Variants in KDM4C observed in about 807,000 individuals in gnomAD.
KDM4C encodes the protein lysine demethylase 4C, also known as lysine-specific demethylase 4C.
Under a neutral mutation model 129.3 loss-of-function variants are expected in KDM4C, and 81 were observed. The ratio of observed to expected loss-of-function variants is 0.63; its 90% CI spans 0.52 to 0.75. The LOEUF (loss-of-function observed/expected upper bound fraction) is 0.75, where lower values mean the gene tolerates loss of function less well. KDM4C is among the 30% of genes least tolerant of loss of function. The pLI is 0.00. For missense variants in KDM4C, 1,457 were observed against 1,304.0 expected (o/e 1.12, Z -1.81); for synonymous variants, 573 against 456.1 (o/e 1.26, Z -3.26).
At chr9:6,923,330 ATG>A (rs759098162) in intron 8 of KDM4C, among the ~76,000 whole-genome samples, 6 of 151,942 alleles carry the variant, frequency 3.9e-5, no homozygotes, top group Admixed American at 1.3e-4. Context: ...TTGCACAAGT[ATG>A]GTTTGTAGTT....
intron 6 of KDM4C, among the ~76,000 whole-genome samples, chr9:6,882,389 A>G (rs1177090926): frequency 6.6e-6 from 1 of 152,224 alleles, no homozygotes; most frequent in Non-Finnish European, 1.5e-5. Flanking sequence ...AAAAAAGATA[A>G]TATTGCTGTT....
At chr9:6,852,663 A>T (rs1276089614) in intron 5 of KDM4C, among the ~76,000 whole-genome samples, 2 of 152,052 alleles carry the variant, frequency 1.3e-5, no homozygotes, top group African/African-American at 4.8e-5. Flanking sequence ...TGTGCTTGAC[A>T]TATCTGTCAC....
At chr9:7,033,761 A>G (rs1827177424) in intron 15 of KDM4C, among the ~76,000 whole-genome samples, 1 of 152,236 alleles carries the variant, frequency 6.6e-6, no homozygotes, top group Non-Finnish European at 1.5e-5. Flanking sequence ...CAAATGCCTC[A>G]TTAATCTTTA....
intron 8 of KDM4C, among the ~76,000 whole-genome samples, chr9:6,962,692 C>G (rs1025147339): frequency 1.3e-5 from 2 of 152,080 alleles, no homozygotes; most frequent in African/African-American, 4.8e-5. Flanking sequence ...ACTGTCACAA[C>G]CCTGACTCAG....
intron 20 of KDM4C, among the ~76,000 whole-genome samples, chr9:7,166,450 A>ATG (rs1298198499): frequency 1.2e-4 from 1 of 8,254 alleles, no homozygotes; most frequent in African/African-American, 1.7e-3. Flanking sequence ...TTGTGTGTGT[A>ATG]TGTGTGTATG....
rs968984496 is a variant in KDM4C, at chr9:6,961,964, C to A, written c.922-18961C>A. Among the ~76,000 whole-genome samples, 5 of 152,118 alleles carry A rather than the reference C, an allele frequency of 3.3e-5. No individual in the cohort carries two copies. The South Asian group carries it at 1.0e-3, about 32-fold the overall frequency. ...ACTGTAGGGAATGCCTGCTGGCCTT[C>A]ACAAGTTCATTTATAAATCAGCTAC... is the stretch of plus-strand genomic sequence containing the variant. On this transcript the variant is annotated intron_variant, in intron 8 of 21. Transcript: ENST00000381309.
chr9:6,733,706 G>T (rs1489078570), intron 1 of KDM4C, among the ~76,000 whole-genome samples: 2 of 152,200 alleles, frequency 1.3e-5, no homozygotes, highest in African/African-American at 2.4e-5. Flanking sequence ...AAGCAAGTTT[G>T]TTAAGAAAGT....
Position 7,107,063 on chromosome 9 carries a change from A to G in KDM4C, c.2610+3193A>G, listed in dbSNP as rs999956986. Reference sequence around the variant, plus strand: ...GTGTTTGCCAGCGTTTTTGTTGAACACCTTTGTTGAATGTCACTGCTGTGT... The same window carrying G: ...GTGTTTGCCAGCGTTTTTGTTGAACGCCTTTGTTGAATGTCACTGCTGTGT... On this transcript the variant is annotated intron_variant, in intron 18 of 21. Transcript: ENST00000381309. Among the ~76,000 whole-genome samples, 6 of 152,236 alleles carry G rather than the reference A, an allele frequency of 3.9e-5. No homozygotes were observed. In the East Asian group the frequency reaches 1.2e-3, roughly 29 times the overall value.
At chr9:6,847,946 T>C (rs1838156105) in intron 4 of KDM4C, among the ~76,000 whole-genome samples, 1 of 152,170 alleles carries the variant, frequency 6.6e-6, no homozygotes, top group African/African-American at 2.4e-5. Flanking sequence ...ACAGAACAAC[T>C]CTAAAAGCTT....
upstream of KDM4C, among the ~76,000 whole-genome samples, chr9:6,756,464 C>G (rs1202244852): frequency 6.6e-6 from 1 of 152,198 alleles, no homozygotes. Context: ...CGCCTGTAAT[C>G]CCAGCACTTT....
At chr9:6,859,348 G>C (rs922809330) in intron 5 of KDM4C, among the ~76,000 whole-genome samples, 1 of 151,860 alleles carries the variant, frequency 6.6e-6, no homozygotes, top group Non-Finnish European at 1.5e-5. Context: ...AGTGGCCCAC[G>C]CCTGTAGTCC....
Position 7,096,965 on chromosome 9 carries a change from C to T in KDM4C, c.2425-6720C>T, listed in dbSNP as rs556356504. ...AGTCCAAGGCCTTTCAGGATCCCACCTTTTCAGCCTGCCATCCCTTGGCTG... is the reference window on the plus strand; with the variant it reads ...AGTCCAAGGCCTTTCAGGATCCCACTTTTTCAGCCTGCCATCCCTTGGCTG... On this transcript the variant is annotated intron_variant, in intron 17 of 21. Transcript: ENST00000381309. Among the ~76,000 whole-genome samples, 54 of 152,284 alleles carry T rather than the reference C, an allele frequency of 3.5e-4. No homozygotes were observed. In the South Asian group the frequency reaches 9.3e-3, roughly 26 times the overall value.
intron 18 of KDM4C, among the ~76,000 whole-genome samples, chr9:7,110,122 C>A (rs1838153194): frequency 6.6e-6 from 1 of 152,218 alleles, no homozygotes; most frequent in Admixed American, 6.5e-5. Flanking sequence ...CACTTCTAGA[C>A]ATCTTTGAAA....
intron 15 of KDM4C, among the ~76,000 whole-genome samples, chr9:7,029,771 C>T (rs1218829617): frequency 1.3e-5 from 2 of 152,080 alleles, no homozygotes; most frequent in South Asian, 2.1e-4. Flanking sequence ...ATGAGAACTG[C>T]ATGTGAAGAT....
At chr9:6,853,564 C>T (rs1564163994) in intron 5 of KDM4C, among the ~76,000 whole-genome samples, 1 of 152,146 alleles carries the variant, frequency 6.6e-6, no homozygotes, top group Admixed American at 6.5e-5. Context: ...TCCTGAGTTG[C>T]TATACATAGG....
rs188667079 is a variant in KDM4C, at chr9:6,923,934, T to C, written c.921+30702T>C. On this transcript the variant is annotated intron_variant, in intron 8 of 21. Transcript: ENST00000381309. Reference sequence around the variant, plus strand: ...AGAAGAGACCGATGCTTATGGCTGCTGCAGCCTTTCAGGTGGGGCATGGGA... The same window carrying C: ...AGAAGAGACCGATGCTTATGGCTGCCGCAGCCTTTCAGGTGGGGCATGGGA... Among the ~76,000 whole-genome samples the C allele has an allele frequency of 1.2e-4, 19 of 152,336 alleles. No individual in the cohort carries two copies. The East Asian group carries it at 3.5e-3, about 28-fold the overall frequency.
intron 12 of KDM4C, among the ~76,000 whole-genome samples, chr9:7,002,877 T>C (rs1213505959): frequency 6.6e-6 from 1 of 152,222 alleles, no homozygotes; most frequent in East Asian, 1.9e-4. Flanking sequence ...ACTCTTGTGT[T>C]TTAGATAGAC....
chr9:7,138,762 G>C (rs369598551), intron 19 of KDM4C, among the ~76,000 whole-genome samples: 2 of 152,090 alleles, frequency 1.3e-5, no homozygotes, highest in South Asian at 4.1e-4. Flanking sequence ...TGAGGTTACA[G>C]TGGGCTATGA....
At chr9:6,975,116 T>C (rs1832710815) in intron 8 of KDM4C, among the ~76,000 whole-genome samples, 1 of 152,212 alleles carries the variant, frequency 6.6e-6, no homozygotes, top group Admixed American at 6.5e-5. Context: ...TAAATTGCTT[T>C]ATAATTGCCT....
Sources: allele counts gnomAD v4.1 joint callset (sites outside exome capture counted in the v4.1 genomes callset), GRCh38; gene constraint gnomAD v4.1.1; transcripts MANE v1.5; gene names NCBI Gene and HGNC (gene_info 2026-07-23, HGNC 2026-07-21).